ZFP90: variants seen among roughly 807,000 people sequenced by gnomAD.
The protein encoded by ZFP90 is zinc finger protein 90 homolog.
In ZFP90, 38 loss-of-function variants were observed where a neutral mutation model predicts 60.8. That is an observed-to-expected ratio of 0.62 (90% confidence interval 0.48 to 0.82). The LOEUF (loss-of-function observed/expected upper bound fraction) is 0.82. Ranked by LOEUF, ZFP90 falls within the 40% of genes least tolerant of loss-of-function variation. The probability of loss-of-function intolerance (pLI) is 0.00; values close to 1 mark genes in which losing one functional copy is unlikely to be tolerated. For missense variants in ZFP90, 711 were observed against 759.1 expected (o/e 0.94, Z 0.74); for synonymous variants, 287 against 264.8 (o/e 1.08, Z -0.82).
rs1255142936 is a variant in ZFP90, at chr16:68,558,045, A to ATGG, written c.83_85dup (p.Trp28dup). 1 of 1,613,800 alleles carries ATGG rather than the reference A, an allele frequency of 6.2e-7. No individual in the cohort carries two copies. The highest frequency in any genetic ancestry group is 1.1e-5 in the South Asian group (1 of 91,066). On this transcript the variant is annotated inframe_insertion, in exon 3 of 5. Coordinates refer to ENST00000563169, the MANE Select transcript of ZFP90 (RefSeq NM_001305203.2). ...TGTCTGTGGACTTCACCCAGGAAGAATGGTACCATGTCGACCCTGCTCAGA... is the reference window on the plus strand; with the variant it reads ...TGTCTGTGGACTTCACCCAGGAAGAATGGTGGTACCATGTCGACCCTGCTCAGA...
chr16:68,564,220 A>G lies in ZFP90; in HGVS notation c.1433A>G (p.Tyr478Cys), dbSNP rs1016551138. The change falls in exon 5 of 5, where the codon TAT (tyrosine) becomes TGT (cysteine). Residue 478 changes from tyrosine (Y) to cysteine (C), a missense_variant. Tyr to Cys is a radical substitution (Grantham distance 194). This residue lies in a region of ZFP90 where 295 missense variants were observed against 274.0 expected (regional missense o/e 1.08). Coordinates refer to ENST00000563169, the MANE Select transcript of ZFP90 (RefSeq NM_001305203.2). Reference sequence around the variant, plus strand: ...AGGATCCATACTGCAGAGAACCCCTATGATTGTGAGCAGGCTTTTAGTCAG... The same window carrying G: ...AGGATCCATACTGCAGAGAACCCCTGTGATTGTGAGCAGGCTTTTAGTCAG... ...HQRIHTAENP[Y>C]DCEQAFSQQA... is the part of the protein sequence containing the mutation. The G allele has an allele frequency of 1.9e-6, 3 of 1,613,748 alleles. No individual in the cohort carries two copies. The highest frequency in any genetic ancestry group is 1.3e-5 in the African/African-American group (1 of 74,866).
At chr16:68,569,450 T>G (rs959126331), downstream of ZFP90, among the ~76,000 whole-genome samples, 6 of 152,224 alleles carry the variant, frequency 3.9e-5, no homozygotes, top group African/African-American at 1.4e-4. Flanking sequence ...GTCCCACTTT[T>G]CTTGTATGCT....
At chr16:68,535,946 C>G (rs895497160), upstream of ZFP90, among the ~76,000 whole-genome samples, 20 of 152,158 alleles carry the variant, frequency 1.3e-4, no homozygotes, top group Non-Finnish European at 1.2e-4. Flanking sequence ...CTTGGAACAC[C>G]CGGCTCTGCT....
downstream of ZFP90, chr16:68,567,259 G>C (rs1166068946): frequency 1.5e-6 from 1 of 680,536 alleles, no homozygotes; most frequent in Non-Finnish European, 1.8e-6. Context: ...TTTATTGAAT[G>C]CTTACTACTT....
At chr16:68,561,904 G>T (rs773191330) in intron 4 of ZFP90, among the ~76,000 whole-genome samples, 5 of 151,964 alleles carry the variant, frequency 3.3e-5, no homozygotes, top group Non-Finnish European at 5.9e-5. Context: ...TTTTCAAATA[G>T]GAAAGTTGAA....
At chr16:68,571,190 T>G (rs951525446), downstream of ZFP90, among the ~76,000 whole-genome samples, 3 of 152,126 alleles carry the variant, frequency 2.0e-5, no homozygotes, top group African/African-American at 7.2e-5. Context: ...CATCAAGGGT[T>G]GTTTTGAGGG....
chr16:68,550,368 T>G (rs2152064114), intron 2 of ZFP90, among the ~76,000 whole-genome samples: 1 of 152,322 alleles, frequency 6.6e-6, no homozygotes, highest in South Asian at 2.1e-4. Context: ...CAAGCCATTC[T>G]CCTGCCTCAG....
chr16:68,551,065 A>G (rs2091251562), intron 2 of ZFP90, among the ~76,000 whole-genome samples: 5 of 152,200 alleles, frequency 3.3e-5, no homozygotes, highest in Admixed American at 3.3e-4. Context: ...GAGGCCACTT[A>G]GTGCTTAAGT....
intron 2 of ZFP90, among the ~76,000 whole-genome samples, chr16:68,575,325 T>C (rs1013920154): frequency 6.6e-6 from 1 of 152,186 alleles, no homozygotes; most frequent in Non-Finnish European, 1.5e-5. Flanking sequence ...GCCAAGTTCT[T>C]GTCCTGCATC....
downstream of ZFP90, among the ~76,000 whole-genome samples, chr16:68,571,943 A>G (rs1479128373): frequency 2.0e-5 from 3 of 152,206 alleles, no homozygotes. Flanking sequence ...ACTATTTGCA[A>G]GAGTTGGTGG....
At chr16:68,548,719 ACCTCAGGTGATTCGCCCG>A (rs1291003591) in intron 2 of ZFP90, among the ~76,000 whole-genome samples, 2 of 151,602 alleles carry the variant, frequency 1.3e-5, no homozygotes, top group African/African-American at 4.8e-5. Flanking sequence ...CGAACTCCCG[ACCTCAGGTGATTCGCCCG>A]CCTCGGCCTC....
intron 4 of ZFP90, among the ~76,000 whole-genome samples, chr16:68,559,817 C>T (rs1158119446): frequency 1.3e-5 from 2 of 152,172 alleles, no homozygotes; most frequent in African/African-American, 4.8e-5. Context: ...AAGCAATCCA[C>T]CCACCTTGGC....
intron 2 of ZFP90, among the ~76,000 whole-genome samples, chr16:68,534,134 C>T (rs918313210): frequency 6.6e-6 from 1 of 151,872 alleles, no homozygotes; most frequent in African/African-American, 2.4e-5. Flanking sequence ...GGATAATTTC[C>T]TCAGATCGAC....
At chr16:68,545,629 A>G (rs1049022511) in intron 2 of ZFP90, among the ~76,000 whole-genome samples, 4 of 151,402 alleles carry the variant, frequency 2.6e-5, no homozygotes, top group Admixed American at 6.6e-5. Context: ...CCTGGCTAAC[A>G]TGGTGAAACC....
intron 2 of ZFP90, among the ~76,000 whole-genome samples, chr16:68,572,521 C>A (rs977133853): frequency 1.3e-5 from 2 of 152,154 alleles, no homozygotes; most frequent in Non-Finnish European, 2.9e-5. Context: ...ATAGGACTCA[C>A]TAGATGTGAG....
chr16:68,543,538 CATT>C (rs1402982101), intron 2 of ZFP90, among the ~76,000 whole-genome samples: 1 of 148,750 alleles, frequency 6.7e-6, no homozygotes, highest in African/African-American at 2.5e-5. Context: ...TCTATGTAAA[CATT>C]ATACATCCTT....
chr16:68,542,434 T>C (rs915490756), intron 2 of ZFP90, among the ~76,000 whole-genome samples: 3 of 151,880 alleles, frequency 2.0e-5, no homozygotes, highest in African/African-American at 7.3e-5. Flanking sequence ...CCACTAAAAA[T>C]ACAAAAATTA....
chr16:68,563,212 C>T lies in ZFP90; in HGVS notation c.425C>T (p.Ala142Val). The T allele has an allele frequency of 6.2e-7, 1 of 1,614,120 alleles. No homozygotes were observed. The highest frequency in any genetic ancestry group is 8.5e-7 in the Non-Finnish European group (1 of 1,180,006). Residue 142 changes from alanine (A) to valine (V), a missense_variant, in exon 5 of 5, where the codon GCA becomes GTA. Ala to Val is a moderately conservative substitution (Grantham distance 64). This residue lies in a region of ZFP90 where 241 missense variants were observed against 247.6 expected (regional missense o/e 0.97). Coordinates refer to ENST00000563169, the MANE Select transcript of ZFP90 (RefSeq NM_001305203.2). ...ENWKRHLGSE[A>V]STQKKIITPQ... ...TGGAAGAGACATCTGGGATCAGAGG[C>T]ATCCACCCAGAAGAAAATAATTACA...
At chr16:68,541,284 C>T (rs899913373) in intron 2 of ZFP90, among the ~76,000 whole-genome samples, 1 of 151,984 alleles carries the variant, frequency 6.6e-6, no homozygotes, top group Admixed American at 6.6e-5. Context: ...TTGATCCGCC[C>T]ACGTTGGCCT....
Sources: allele counts gnomAD v4.1 joint callset (sites outside exome capture counted in the v4.1 genomes callset), GRCh38; gene constraint gnomAD v4.1.1; regional missense constraint gnomAD v4.1.1; transcripts MANE v1.5; gene names NCBI Gene and HGNC (gene_info 2026-07-23, HGNC 2026-07-21).